Variants in LMNTD1 observed in about 807,000 individuals in gnomAD.
The protein encoded by LMNTD1 is lamin tail domain containing 1.
A neutral mutation model predicts 50.9 loss-of-function variants in LMNTD1; 35 were observed. The ratio of observed to expected loss-of-function variants is 0.69; its 90% confidence interval spans 0.53 to 0.91. LMNTD1 has a LOEUF of 0.91. Among genes scored for constraint, LMNTD1 ranks in the 40% least tolerant of loss-of-function variants. The pLI, the probability that LMNTD1 is intolerant of heterozygous loss-of-function variation, is 0.00. For missense variants in LMNTD1, 470 were observed against 475.5 expected, an observed-to-expected ratio of 0.99 and a Z score of 0.11; for synonymous variants, 153 against 161.9, an observed-to-expected ratio of 0.94 and a Z score of 0.42.
upstream of LMNTD1, among the ~76,000 whole-genome samples, chr12:25,554,034 A>G (rs1943923966): frequency 6.6e-6 from 1 of 152,242 alleles, no homozygotes; most frequent in Non-Finnish European, 1.5e-5. Flanking sequence ...AAAGCCAAAA[A>G]GAAAAAGTCA....
chr12:25,527,950 A>G (rs1003785937), intron 4 of LMNTD1, among the ~76,000 whole-genome samples: 5 of 151,842 alleles, frequency 3.3e-5, no homozygotes, highest in African/African-American at 1.2e-4. Context: ...GAATATTTAT[A>G]TATTTTTCTG....
chr12:25,606,800 T>G (rs1222328254), intron 1 of LMNTD1, among the ~76,000 whole-genome samples: 3 of 152,098 alleles, frequency 2.0e-5, no homozygotes, highest in African/African-American at 4.8e-5. Context: ...TCTCTTTTTT[T>G]GTTGTGTCTC....
chr12:25,487,617 G>T (rs946474415), intron 9 of LMNTD1, among the ~76,000 whole-genome samples: 4 of 127,878 alleles, frequency 3.1e-5, no homozygotes, highest in African/African-American at 1.2e-4. Flanking sequence ...TTTAATTGGA[G>T]AATTTAGTCC....
intron 1 of LMNTD1, among the ~76,000 whole-genome samples, chr12:25,627,836 G>T (rs1024333843): frequency 6.6e-6 from 1 of 152,050 alleles, no homozygotes; most frequent in South Asian, 2.1e-4. Context: ...TGGGCCGGGC[G>T]CGGTGGCTCA....
intron 1 of LMNTD1, among the ~76,000 whole-genome samples, chr12:25,643,337 C>A (rs1443752738): frequency 6.6e-6 from 1 of 152,012 alleles, no homozygotes; most frequent in African/African-American, 2.4e-5. Context: ...TCCAGCAAGG[C>A]CAGAGACCCC....
chr12:25,527,082 A>G, intron 4 of LMNTD1, 127 bp from the exon 5 acceptor site: 1 of 571,596 alleles, frequency 1.7e-6, no homozygotes, highest in Non-Finnish European at 3.0e-6. Context: ...GGCAAGTTCT[A>G]TATAGGAATA....
In LMNTD1 at chr12:25,526,108, C is replaced by T. The variant is rs374329256; in HGVS notation, c.789G>A (p.Pro263=). 2.8e-5 allele frequency: 44 copies of T among 1,570,806 alleles called. No homozygotes were observed. The highest frequency in any genetic ancestry group is 6.9e-5 in the East Asian group (3 of 43,216). Reference sequence around the variant, plus strand: ...AGAACCAGAAACTAACTTGACCGTTCGGTTTGCACAGGATTGTTATACAAT... The same window carrying T: ...AGAACCAGAAACTAACTTGACCGTTTGGTTTGCACAGGATTGTTATACAAT... ...SPDCITILCK[P]NGQAIAWYTP... Residue 263 remains proline, a synonymous_variant, in exon 6 of 10, where the codon CCG becomes CCA. Coordinates refer to ENST00000458174, the MANE Select transcript of LMNTD1 (RefSeq NM_001145728.2).
intron 1 of LMNTD1, among the ~76,000 whole-genome samples, chr12:25,580,234 C>T (rs988730838): frequency 6.6e-6 from 1 of 152,144 alleles, no homozygotes; most frequent in African/African-American, 2.4e-5. Flanking sequence ...TTCATGACCC[C>T]CTCTGGCCCC....
intron 9 of LMNTD1, among the ~76,000 whole-genome samples, chr12:25,486,513 T>G: frequency 7.7e-6 from 1 of 130,682 alleles, no homozygotes; most frequent in Non-Finnish European, 1.6e-5. Context: ...TCCTGCCTAA[T>G]TGCCCTGGCC....
At chr12:25,477,219 T>C (rs1325020170) in intron 9 of LMNTD1, among the ~76,000 whole-genome samples, 1 of 152,170 alleles carries the variant, frequency 6.6e-6, no homozygotes, top group East Asian at 1.9e-4. Flanking sequence ...GAGAATAAGA[T>C]GGTAAAGACA....
chr12:25,564,361 A>G (rs1944462581), intron 1 of LMNTD1, among the ~76,000 whole-genome samples: 1 of 152,120 alleles, frequency 6.6e-6, no homozygotes, highest in Admixed American at 6.5e-5. Context: ...CAGGTTCAAG[A>G]AATTCTCCTG....
chr12:25,612,692 C>A (rs1424960234), intron 1 of LMNTD1, among the ~76,000 whole-genome samples: 2 of 152,094 alleles, frequency 1.3e-5, no homozygotes, highest in East Asian at 3.9e-4. Context: ...GAGTCTAGAG[C>A]TGGAATGACT....
chr12:25,521,815 G>A (rs1250144388), intron 6 of LMNTD1, among the ~76,000 whole-genome samples: 1 of 152,174 alleles, frequency 6.6e-6, no homozygotes, highest in Non-Finnish European at 1.5e-5. Flanking sequence ...CGTTCTTCAG[G>A]CTAGAATCCT....
intron 4 of LMNTD1, among the ~76,000 whole-genome samples, chr12:25,539,164 A>G (rs1591955971): frequency 6.9e-6 from 1 of 145,376 alleles, no homozygotes; most frequent in East Asian, 2.1e-4. Context: ...AGACAGATCA[A>G]CGAGACAGAA....
chr12:25,498,542 T>C (rs1306031317), intron 9 of LMNTD1, among the ~76,000 whole-genome samples: 1 of 152,168 alleles, frequency 6.6e-6, no homozygotes, highest in Non-Finnish European at 1.5e-5. Flanking sequence ...TTTTGGAAAA[T>C]GCATCTGTAG....
intron 2 of LMNTD1, among the ~76,000 whole-genome samples, chr12:25,550,609 G>A (rs1705426): frequency 0.67 from 102,310 of 152,002 alleles, 34,773 homozygotes; most frequent in Admixed American, 0.73. Flanking sequence ...GCTCTTATAA[G>A]ATTATGTTAG....
At chr12:25,490,845 G>T (rs749047613) in intron 9 of LMNTD1, among the ~76,000 whole-genome samples, 4 of 152,158 alleles carry the variant, frequency 2.6e-5, no homozygotes, top group Non-Finnish European at 4.4e-5. Context: ...ATTCTAATTT[G>T]GTAGGTCTGG....
intron 6 of LMNTD1, among the ~76,000 whole-genome samples, chr12:25,523,168 G>T (rs781159902): frequency 3.0e-4 from 46 of 152,106 alleles, no homozygotes; most frequent in Non-Finnish European, 6.5e-4. Flanking sequence ...CTAGTAGCTG[G>T]GACTACAGGC....
At chr12:25,566,088 C>T (rs1944545422) in intron 1 of LMNTD1, among the ~76,000 whole-genome samples, 3 of 152,066 alleles carry the variant, frequency 2.0e-5, no homozygotes, top group Admixed American at 1.3e-4. Context: ...TGGGTTAAAT[C>T]TGCTTGGTGT....
Sources: allele counts gnomAD v4.1 joint callset (sites outside exome capture counted in the v4.1 genomes callset), GRCh38; gene constraint gnomAD v4.1.1; transcripts MANE v1.5; gene names NCBI Gene and HGNC (gene_info 2026-07-23, HGNC 2026-07-21).